Variants in YOD1 observed in about 807,000 individuals in gnomAD.
The protein encoded by YOD1 is YOD1 deubiquitinase.
YOD1 carries 17 observed loss-of-function variants against 23.7 expected under a neutral mutation model. That is an observed-to-expected ratio of 0.72 (90% CI 0.49 to 1.07). YOD1 has a LOEUF of 1.07. Ranked by LOEUF, YOD1 falls within the 50% of genes least tolerant of loss-of-function variation. YOD1 has a pLI of 0.00. For synonymous variants in YOD1, 191 were observed against 169.6 expected, an observed-to-expected ratio of 1.13 and a Z score of -0.98; for missense variants, 413 against 447.2, an observed-to-expected ratio of 0.92 and a Z score of 0.69.
In YOD1 at chr1:207,048,980, T is replaced by C. The variant is rs747914529; in HGVS notation, c.*40A>G. 9.0e-6 allele frequency: 14 copies of C among 1,563,358 alleles called. No individual in the cohort carries two copies. The South Asian group carries it at 1.6e-4, about 18-fold the overall frequency. The stretch of plus-strand genomic sequence containing the variant: ...ATTGGAAAACCCAGAGCCTTCTGGA[T>C]GTGTGAGGTAGTAGGCTTCAACCCT... On this transcript the variant is annotated 3_prime_UTR_variant, in exon 2 of 2. Transcript: ENST00000315927.
Position 207,046,640 on chromosome 1 carries a change from G to A in YOD1, c.*2380C>T, listed in dbSNP as rs1682605597. On this transcript the variant is annotated 3_prime_UTR_variant, in exon 2 of 2. Coordinates refer to ENST00000315927, the MANE Select transcript of YOD1 (RefSeq NM_018566.4). The stretch of plus-strand genomic sequence containing the variant: ...CGGTAAATGGACAACCTAGATAACA[G>A]ATAAAATACAATGAAATAAGATCCC... 1 of 152,036 alleles carries A rather than the reference G, an allele frequency of 6.6e-6. No homozygotes were observed. Among genetic ancestry groups the A allele is most frequent in the African/African-American group, 2.4e-5 (1 of 41,426 alleles). 9.4% of individuals were successfully genotyped at this position (152,036 alleles called of 1,614,324 possible).
In YOD1 at chr1:207,050,973, C is replaced by G. The variant is rs1371529379; in HGVS notation, c.58G>C (p.Gly20Arg). ...CCGGCAGCCTGTTGGGAGACGCCGC[C>G]GGGGAAACCAGGCGCCGGGTGGACT... ...FGVHPAPGFP[G>R]GVSQQAAGTK... Residue 20 changes from glycine to arginine, a missense_variant, in exon 1 of 2, where the codon GGC (glycine) becomes CGC (arginine). Gly to Arg is a moderately radical substitution (Grantham distance 125). Coordinates refer to ENST00000315927, the MANE Select transcript of YOD1 (RefSeq NM_018566.4). The G allele has an allele frequency of 3.9e-6, 6 of 1,543,758 alleles. No homozygotes were observed. The highest frequency in any genetic ancestry group is 5.3e-6 in the Non-Finnish European group (6 of 1,141,642).
At position 207,047,545 on chromosome 1, in the gene YOD1, A is replaced by C. The variant is rs1226285795; in HGVS notation, c.*1475T>G. On this transcript the variant is annotated 3_prime_UTR_variant, in exon 2 of 2. Coordinates refer to ENST00000315927, the MANE Select transcript of YOD1 (RefSeq NM_018566.4). ...ATAAAAAAGAGACCAAAATAACAAA[A>C]CTTCACATTAAGCCTCTTCACATTA... is the stretch of plus-strand genomic sequence containing the variant. The C allele has an allele frequency of 6.6e-6, 1 of 152,638 alleles. No homozygotes were observed. Among genetic ancestry groups the C allele is most frequent in the East Asian group, 1.9e-4 (1 of 5,206 alleles). The allele number at this position is 152,638 out of a possible 1,614,324, so 9.5% of individuals were successfully genotyped here. A position where few individuals can be genotyped will look rare whatever the true frequency, so the allele number is the denominator to read the frequency against.
rs1189203055 is a variant in YOD1, at chr1:207,048,736, ATC to A, written c.*282_*283del. On this transcript the variant is annotated 3_prime_UTR_variant, in exon 2 of 2. Transcript: ENST00000315927. ...GCTGGGTGCTAGTTTATAATACTCAATCTCAACCTTCAGGTCAGTGTCAGTAG... is the reference window on the plus strand; with the variant it reads ...GCTGGGTGCTAGTTTATAATACTCAATCAACCTTCAGGTCAGTGTCAGTAG... The A allele has an allele frequency of 1.1e-5, 4 of 363,108 alleles. No homozygotes were observed. Among genetic ancestry groups the A allele is most frequent in the African/African-American group, 8.3e-5 (4 of 48,060 alleles). The allele number at this position is 363,108 out of a possible 1,614,324, so 22.5% of individuals were successfully genotyped here. A position where few individuals can be genotyped will look rare whatever the true frequency, so the allele number is the denominator to read the frequency against.
chr1:207,049,485 T>C lies in YOD1; in HGVS notation c.582A>G (p.Pro194=), dbSNP rs115215260. Residue 194 remains proline, a synonymous_variant, in exon 2 of 2, where the codon CCA becomes CCG. Coordinates refer to ENST00000315927, the MANE Select transcript of YOD1 (RefSeq NM_018566.4). ...CCAGTATTGCCTCACTATAGAAGTC[T>C]GGATCGCTTGCTACAATTTGTGCTA... The part of the protein sequence containing the change: ...RLIAQIVASD[P]DFYSEAILGK... 5.1e-4 allele frequency: 817 copies of C among 1,614,232 alleles called. 4 individuals are homozygous for C. The African/African-American group carries it at 7.7e-3, about 15-fold the overall frequency.
Position 207,044,403 on chromosome 1 carries a change from CT to C in YOD1, c.*4616del, listed in dbSNP as rs1428232872. The C allele has an allele frequency of 6.6e-6, 1 of 152,568 alleles. No individual in the cohort carries two copies. Among genetic ancestry groups the C allele is most frequent in the African/African-American group, 2.4e-5 (1 of 41,452 alleles). 9.5% of individuals were successfully genotyped at this position (152,568 alleles called of 1,614,324 possible). ...GGAAAACTGACAAAAATTAGGTCCC[CT>C]GGTCCTTTAAGTAACTTACGGGCTA... On this transcript the variant is annotated 3_prime_UTR_variant, in exon 2 of 2. Coordinates refer to ENST00000315927, the MANE Select transcript of YOD1 (RefSeq NM_018566.4).
chr1:207,047,516 C>G lies in YOD1; in HGVS notation c.*1504G>C, dbSNP rs760081061. On this transcript the variant is annotated 3_prime_UTR_variant, in exon 2 of 2. Coordinates refer to ENST00000315927, the MANE Select transcript of YOD1 (RefSeq NM_018566.4). ...TACCACTGAATTTCTAAGTGAGATACTTAATAAAAAAGAGACCAAAATAAC... is the reference window on the plus strand; with the variant it reads ...TACCACTGAATTTCTAAGTGAGATAGTTAATAAAAAAGAGACCAAAATAAC... 6.6e-6 allele frequency: 1 copy of G among 152,670 alleles called. No homozygotes were observed. The highest frequency in any genetic ancestry group is 1.5e-5 in the Non-Finnish European group (1 of 67,976). 9.5% of individuals were successfully genotyped at this position (152,670 alleles called of 1,614,324 possible). A position where few individuals can be genotyped will look rare whatever the true frequency, so the allele number is the denominator to read the frequency against.
chr1:207,044,637 T>C lies in YOD1; in HGVS notation c.*4383A>G, dbSNP rs1682550806. On this transcript the variant is annotated 3_prime_UTR_variant, in exon 2 of 2. Coordinates refer to ENST00000315927, the MANE Select transcript of YOD1 (RefSeq NM_018566.4). ...GCTTATAATTCATGGTTTCATACTT[T>C]AATGATAAGCTTTTTCACCTATGGC... The C allele has an allele frequency of 6.6e-6, 1 of 152,316 alleles. No homozygotes were observed. The highest frequency in any genetic ancestry group is 6.5e-5 in the Admixed American group (1 of 15,278). The allele number at this position is 152,316 out of a possible 1,614,324, so 9.4% of individuals were successfully genotyped here.
upstream of YOD1, chr1:207,052,268 T>G (rs879234898): frequency 6.3e-7 from 1 of 1,593,642 alleles, no homozygotes. Context: ...AATTTTTTTT[T>G]GCTGGTGCAA....
rs991602290 is a variant in YOD1 at position 207,045,887 on chromosome 1, A to C, written c.*3133T>G. On this transcript the variant is annotated 3_prime_UTR_variant, in exon 2 of 2. Coordinates refer to ENST00000315927, the MANE Select transcript of YOD1 (RefSeq NM_018566.4). The stretch of plus-strand genomic sequence containing the variant: ...CATTAGTTGTTAAAAACAGGGTCAA[A>C]CTGACCAGCAGTCAAGCGTCAAGGG... 2.7e-4 allele frequency: 41 copies of C among 152,178 alleles called. No individual in the cohort carries two copies. Among genetic ancestry groups the C allele is most frequent in the African/African-American group, 9.1e-4 (38 of 41,560 alleles). The allele number at this position is 152,178 out of a possible 1,614,324, so 9.4% of individuals were successfully genotyped here.
upstream of YOD1, chr1:207,052,258 A>G: frequency 6.2e-7 from 1 of 1,608,514 alleles, no homozygotes; most frequent in Non-Finnish European, 8.5e-7. Context: ...TTCATGACTC[A>G]ATTTTTTTTT....
rs945699115 is a variant in YOD1 at position 207,045,107 on chromosome 1, A to G, written c.*3913T>C. 7.2e-5 allele frequency: 11 copies of G among 152,582 alleles called. No individual in the cohort carries two copies. The highest frequency in any genetic ancestry group is 2.4e-4 in the African/African-American group (10 of 41,564). 9.5% of individuals were successfully genotyped at this position (152,582 alleles called of 1,614,324 possible). ...AAATCAAGTGTTTCACTTTGGACTT[A>G]AAATGATGCCACTTGTATATGACAC... On this transcript the variant is annotated 3_prime_UTR_variant, in exon 2 of 2. Coordinates refer to ENST00000315927, the MANE Select transcript of YOD1 (RefSeq NM_018566.4).
intron 1 of YOD1, 102 bp downstream of exon 1, chr1:207,050,586 C>A (rs796705998): frequency 1.3e-6 from 2 of 1,518,414 alleles, no homozygotes; most frequent in African/African-American, 1.4e-5. Context: ...CAAAGCCCCC[C>A]CGCCGACTCA....
rs1682742347 is a variant in YOD1, at chr1:207,051,145, A to G, written c.-115T>C. Reference sequence around the variant, plus strand: ...GACAACTGATTTTTCCCCCACCCTCAGAACGAAGATGTAAACCTCCGTATT... The same window carrying G: ...GACAACTGATTTTTCCCCCACCCTCGGAACGAAGATGTAAACCTCCGTATT... On this transcript the variant is annotated 5_prime_UTR_variant, in exon 1 of 2. Coordinates refer to ENST00000315927, the MANE Select transcript of YOD1 (RefSeq NM_018566.4). 1.9e-5 allele frequency: 27 copies of G among 1,421,638 alleles called. No individual in the cohort carries two copies. The highest frequency in any genetic ancestry group is 2.5e-5 in the Non-Finnish European group (27 of 1,093,354). The allele number at this position is 1,421,638 out of a possible 1,614,324, so 88.1% of individuals were successfully genotyped here. A position where few individuals can be genotyped will look rare whatever the true frequency, so the allele number is the denominator to read the frequency against.
In YOD1 at chr1:207,050,761, G is replaced by A. The variant is rs1682723824; in HGVS notation, c.270C>T (p.Leu90=). The change falls in exon 1 of 2, where the codon CTC becomes CTT. Residue 90 remains leucine (L), a synonymous_variant. Coordinates refer to ENST00000315927, the MANE Select transcript of YOD1 (RefSeq NM_018566.4). ...CCAGGCACTCGGGAGGGTATCCGAC[G>A]AGGATTCGCTGACCGCCGGGGGCGA... ...TGIAPGGQRI[L]VGYPPECLDL... 1 of 1,613,416 alleles carries A rather than the reference G, an allele frequency of 6.2e-7. No homozygotes were observed. The highest frequency in any genetic ancestry group is 2.2e-5 in the East Asian group (1 of 44,888).
Position 207,045,769 on chromosome 1 carries a change from G to C in YOD1, c.*3251C>G, listed in dbSNP as rs908088167. The C allele has an allele frequency of 6.6e-6, 1 of 152,028 alleles. No homozygotes were observed. Among genetic ancestry groups the C allele is most frequent in the African/African-American group, 2.4e-5 (1 of 41,502 alleles). The allele number at this position is 152,028 out of a possible 1,614,324, so 9.4% of individuals were successfully genotyped here. A position where few individuals can be genotyped will look rare whatever the true frequency, so the allele number is the denominator to read the frequency against. On this transcript the variant is annotated 3_prime_UTR_variant, in exon 2 of 2. Coordinates refer to ENST00000315927, the MANE Select transcript of YOD1 (RefSeq NM_018566.4). ...AAGCAAGTTAGGCATGGGCATTTAG[G>C]GACACAGACAAATTAGATAGATAAC...
chr1:207,050,914 C>T lies in YOD1; in HGVS notation c.117G>A (p.Val39=). ...TKAGPAGAWP[V]GSRTDTMWRL... ...GCCACATCGTGTCGGTCCGGCTGCC[C>T]ACAGGCCAGGCACCCGCGGGGCCAG... is the stretch of plus-strand genomic sequence containing the variant. Residue 39 remains valine (V), a synonymous_variant, in exon 1 of 2, where the codon GTG becomes GTA. Coordinates refer to ENST00000315927, the MANE Select transcript of YOD1 (RefSeq NM_018566.4). 1 of 1,601,240 alleles carries T rather than the reference C, an allele frequency of 6.2e-7. No homozygotes were observed. Among genetic ancestry groups the T allele is most frequent in the Non-Finnish European group, 8.5e-7 (1 of 1,173,954 alleles).
rs200758571 is a variant in YOD1 at position 207,050,949 on chromosome 1, C to G, written c.82G>C (p.Gly28Arg). The change falls in exon 1 of 2, where the codon GGG (glycine) becomes CGG (arginine). Residue 28 changes from glycine to arginine, a missense_variant. Physicochemically the swap from Gly to Arg is moderately radical, Grantham distance 125 (BLOSUM62 -2). Transcript: ENST00000315927. ...FPGGVSQQAAGTKAGPAGAWP... is the reference protein window; with the variant it reads ...FPGGVSQQAARTKAGPAGAWP... ...GCACCCGCGGGGCCAGCTTTGGTCC[C>G]GGCAGCCTGTTGGGAGACGCCGCCG... 2.5e-6 allele frequency: 4 copies of G among 1,572,622 alleles called. No homozygotes were observed. The highest frequency in any genetic ancestry group is 1.1e-5 in the South Asian group (1 of 88,014).
upstream of YOD1, among the ~76,000 whole-genome samples, chr1:207,051,464 G>A (rs1042009233): frequency 6.6e-6 from 1 of 152,224 alleles, no homozygotes; most frequent in Non-Finnish European, 1.5e-5. Context: ...TAGACTCGTG[G>A]CTGCATTAAA....
Sources: gnomAD v4.1 joint callset for allele counts (sites outside exome capture counted in the v4.1 genomes callset) on GRCh38, gnomAD v4.1.1 for gene constraint, MANE v1.5 for transcripts, NCBI Gene and HGNC (gene_info 2026-07-23, HGNC 2026-07-21) for gene names.